RANBP3: variants seen among roughly 807,000 people sequenced by gnomAD.
RANBP3 encodes the protein ran-binding protein 3.
RANBP3 carries 14 observed loss-of-function variants against 77.3 expected under a neutral mutation model. That is an observed-to-expected ratio of 0.18 (90% CI 0.12 to 0.28). The LOEUF (loss-of-function observed/expected upper bound fraction) is 0.28. RANBP3 is among the 10% of genes least tolerant of loss of function. The probability of loss-of-function intolerance (pLI) is 1.00; values close to 1 mark genes in which losing one functional copy is unlikely to be tolerated. For synonymous variants in RANBP3, 315 were observed against 312.4 expected, an observed-to-expected ratio of 1.01 and a Z score of -0.09; for missense variants, 586 against 752.3, an observed-to-expected ratio of 0.78 and a Z score of 2.59.
At chr19:5,943,008 C>T (rs572522788) in intron 3 of RANBP3, among the ~76,000 whole-genome samples, 1 of 152,232 alleles carries the variant, frequency 6.6e-6, no homozygotes, top group South Asian at 2.1e-4. Flanking sequence ...GCCTGAAGGA[C>T]ACATCTCATC....
At chr19:5,932,702 G>A (rs1319816167) in intron 6 of RANBP3, 158 bp from the exon 7 acceptor site, 11 of 598,768 alleles carry the variant, frequency 1.8e-5, no homozygotes, top group African/African-American at 3.7e-5. Context: ...TTAACAGCTG[G>A]CCAGGAGATC....
In RANBP3 at chr19:5,921,060, C is replaced by A. The variant is rs1011629529; in HGVS notation, c.1330+141G>T. The A allele has an allele frequency of 9.2e-7, 1 of 1,092,104 alleles. No individual in the cohort carries two copies. Among genetic ancestry groups the A allele is most frequent in the Non-Finnish European group, 1.2e-6 (1 of 803,040 alleles). 67.7% of individuals were successfully genotyped at this position (1,092,104 alleles called of 1,614,324 possible). A position where few individuals can be genotyped will look rare whatever the true frequency, so the allele number is the denominator to read the frequency against. On this transcript the variant is annotated intron_variant, in intron 14 of 16. Coordinates refer to ENST00000340578, the MANE Select transcript of RANBP3 (RefSeq NM_007322.3). The surrounding 1 kb of genome is among the most constrained non-coding windows in gnomAD (Gnocchi z 5.3). ...TGCAGGGAGGGGGTTTGGGGGGCGG[C>A]TCTCATGGGAGACCGACTCTGTGCC... is the stretch of plus-strand genomic sequence containing the variant.
intron 3 of RANBP3, among the ~76,000 whole-genome samples, chr19:5,942,166 G>A (rs1373286040): frequency 2.0e-5 from 3 of 152,086 alleles, no homozygotes; most frequent in Non-Finnish European, 4.4e-5. Context: ...TCTGGCCCCC[G>A]TTCATTCTGC....
In RANBP3 at chr19:5,925,690, G is replaced by A; in HGVS notation, c.861C>T (p.His287=). 1 of 1,614,008 alleles carries A rather than the reference G, an allele frequency of 6.2e-7. No homozygotes were observed. Among genetic ancestry groups the A allele is most frequent in the South Asian group, 1.1e-5 (1 of 91,066 alleles). The stretch of plus-strand genomic sequence containing the variant: ...TTGCGGTTGGCGTGTCTGCGCTGGG[G>A]TGTCCAGCATTCTCCATGTCGGCTT... ...VDEADMENAG[H]PSADTPTATN... is the part of the protein sequence containing the mutation. The change falls in exon 10 of 17, where the codon CAC becomes CAT. Residue 287 remains histidine, a synonymous_variant. Transcript: ENST00000340578.
chr19:5,956,391 A>C (rs567947107), intron 2 of RANBP3, among the ~76,000 whole-genome samples: 122 of 152,298 alleles, frequency 8.0e-4, no homozygotes, highest in African/African-American at 2.8e-3. Flanking sequence ...TCCAAAAGAC[A>C]AATCATAAAG....
At chr19:5,977,239 G>C (rs2058603224) in intron 1 of RANBP3, among the ~76,000 whole-genome samples, 1 of 152,064 alleles carries the variant, frequency 6.6e-6, no homozygotes, top group African/African-American at 2.4e-5. Flanking sequence ...CAGAAGTCTT[G>C]AAGCTACAGC....
Position 5,928,107 on chromosome 19 carries a change from AAC to A in RANBP3, c.694-22_694-21del. 1 of 1,604,448 alleles carries A rather than the reference AAC, an allele frequency of 6.2e-7. No homozygotes were observed. Among genetic ancestry groups the A allele is most frequent in the Non-Finnish European group, 8.5e-7 (1 of 1,176,798 alleles). On this transcript the variant is annotated intron_variant, in intron 8 of 16. Transcript: ENST00000340578. Reference sequence around the variant, plus strand: ...TTTCTCCTATCAAAAACCAAAACAAAACAGAGTAATCAAAACCAGTGCCACAC... The same window carrying A: ...TTTCTCCTATCAAAAACCAAAACAAAAGAGTAATCAAAACCAGTGCCACAC...
Position 5,921,116 on chromosome 19 carries a change from C to T in RANBP3, c.1330+85G>A, listed in dbSNP as rs1210993918. Reference sequence around the variant, plus strand: ...TCTCACAAGGGTAGGGTCAGGATCTCCCCCGCTTCATTCCCTTTGGAATTG... The same window carrying T: ...TCTCACAAGGGTAGGGTCAGGATCTTCCCCGCTTCATTCCCTTTGGAATTG... On this transcript the variant is annotated intron_variant, in intron 14 of 16. Coordinates refer to ENST00000340578, the MANE Select transcript of RANBP3 (RefSeq NM_007322.3). The surrounding 1 kb of genome is among the most constrained non-coding windows in gnomAD (Gnocchi z 5.3). 3.4e-6 allele frequency: 5 copies of T among 1,489,550 alleles called. No homozygotes were observed. The highest frequency in any genetic ancestry group is 4.7e-5 in the East Asian group (2 of 42,442). 92.3% of individuals were successfully genotyped at this position (1,489,550 alleles called of 1,614,324 possible).
intron 5 of RANBP3, among the ~76,000 whole-genome samples, chr19:5,935,246 C>T (rs567803827): frequency 6.6e-6 from 1 of 152,210 alleles, no homozygotes; most frequent in Non-Finnish European, 1.5e-5. Context: ...TGCAGCAACC[C>T]TTCTTACTAT....
At position 5,958,956 on chromosome 19, in the gene RANBP3, C is replaced by T. The variant is rs1385947468; in HGVS notation, c.23-983G>A. Among the ~76,000 whole-genome samples, 2 of 152,224 alleles carry T rather than the reference C, an allele frequency of 1.3e-5. No individual in the cohort carries two copies. Among genetic ancestry groups the T allele is most frequent in the African/African-American group, 2.4e-5 (1 of 41,470 alleles). ...CAGGGTTTGGGAAGAGCCCTGCCTT[C>T]GCAGGCCCCCCGACCCCGGTCGTGG... On this transcript the variant is annotated intron_variant, in intron 1 of 16. Coordinates refer to ENST00000340578, the MANE Select transcript of RANBP3 (RefSeq NM_007322.3). This position sits in a 1 kb window ranked among gnomAD's most constrained non-coding sequence, Gnocchi z 4.4.
At position 5,923,801 on chromosome 19, in the gene RANBP3, C is replaced by T. The variant is rs367889174; in HGVS notation, c.1099+11G>A. 5.9e-5 allele frequency: 94 copies of T among 1,595,580 alleles called. No homozygotes were observed. The highest frequency in any genetic ancestry group is 1.6e-4 in the East Asian group (7 of 44,764). On this transcript the variant is annotated intron_variant, in intron 12 of 16. Coordinates refer to ENST00000340578, the MANE Select transcript of RANBP3 (RefSeq NM_007322.3). ...CCATGAGCCCCATGCTGTGGTGGGACGCTAACATACCTTTCTCAGGGGTGG... is the reference window on the plus strand; with the variant it reads ...CCATGAGCCCCATGCTGTGGTGGGATGCTAACATACCTTTCTCAGGGGTGG...
At chr19:5,938,815 C>A (rs773350203) in intron 5 of RANBP3, among the ~76,000 whole-genome samples, 1 of 152,144 alleles carries the variant, frequency 6.6e-6, no homozygotes, top group Non-Finnish European at 1.5e-5. Context: ...CAGGCGTTAC[C>A]TTTGGGATGG....
intron 14 of RANBP3, among the ~76,000 whole-genome samples, chr19:5,920,033 T>C (rs975719723): frequency 1.3e-5 from 2 of 152,212 alleles, no homozygotes; most frequent in Non-Finnish European, 2.9e-5. Context: ...AGGGGGCTGC[T>C]TGAGTTACTG....
chr19:5,933,307 G>A, intron 6 of RANBP3, 107 bp downstream of exon 6: 1 of 885,586 alleles, frequency 1.1e-6, no homozygotes, highest in Non-Finnish European at 1.7e-6. Flanking sequence ...AGTTACAAGT[G>A]ATCTTTCTAG....
chr19:5,939,404 G>C (rs1426798801), intron 5 of RANBP3, among the ~76,000 whole-genome samples: 2 of 152,120 alleles, frequency 1.3e-5, no homozygotes, highest in Non-Finnish European at 2.9e-5. Flanking sequence ...AGCTGAAGAA[G>C]AACTGACTTT....
intron 3 of RANBP3, among the ~76,000 whole-genome samples, chr19:5,949,695 G>C (rs940023505): frequency 2.0e-5 from 3 of 152,308 alleles, no homozygotes; most frequent in South Asian, 2.1e-4. Context: ...GGGACTGCTT[G>C]AATTTCTCAG....
chr19:5,942,718 A>C (rs1020738088), intron 3 of RANBP3, among the ~76,000 whole-genome samples: 1 of 151,636 alleles, frequency 6.6e-6, no homozygotes, highest in Non-Finnish European at 1.5e-5. Flanking sequence ...AAAAAAAAAA[A>C]AACAAAAGGA....
chr19:5,935,917 C>T, intron 5 of RANBP3: 1 of 421,012 alleles, frequency 2.4e-6, no homozygotes, highest in South Asian at 1.7e-5. Context: ...AGGGTGTGGG[C>T]CTGTAGAGGA....
At chr19:5,964,167 T>A (rs941538954) in intron 1 of RANBP3, among the ~76,000 whole-genome samples, 3 of 152,198 alleles carry the variant, frequency 2.0e-5, no homozygotes, top group Non-Finnish European at 2.9e-5. Context: ...ACAGGGCCGG[T>A]GTCCTGGTCC....
Sources: gnomAD v4.1 joint callset for allele counts (sites outside exome capture counted in the v4.1 genomes callset) on GRCh38, gnomAD v4.1.1 for gene constraint, Gnocchi (gnomAD v3.1) non-coding constraint, MANE v1.5 for transcripts, NCBI Gene and HGNC (gene_info 2026-07-23, HGNC 2026-07-21) for gene names.